The following DLG2 variants were observed in gnomAD, a reference collection of about 807,000 sequenced individuals.
DLG2 encodes disks large homolog 2.
A neutral mutation model predicts 132.5 loss-of-function variants in DLG2; 45 were observed. The ratio of observed to expected loss-of-function variants is 0.34; its 90% CI spans 0.27 to 0.44. The LOEUF is 0.44. DLG2 is among the 20% of genes least tolerant of loss of function. The pLI, the probability that DLG2 is intolerant of heterozygous loss-of-function variation, is 1.00. For synonymous variants in DLG2, 424 were observed against 419.6 expected (o/e 1.01, Z -0.13); for missense variants, 1,045 against 1,196.9 (o/e 0.87, Z 1.87).
intron 6 of DLG2, among the ~76,000 whole-genome samples, chr11:84,963,486 C>T (rs561007395): frequency 3.9e-5 from 6 of 152,124 alleles, no homozygotes; most frequent in Non-Finnish European, 8.8e-5. Flanking sequence ...AACTCTGATA[C>T]CATTATTCAT....
intron 7 of DLG2, among the ~76,000 whole-genome samples, chr11:84,286,960 T>G (rs1246241193): frequency 6.6e-6 from 1 of 152,166 alleles, no homozygotes; most frequent in East Asian, 1.9e-4. Flanking sequence ...CAACGCTTTT[T>G]AAATGTCTGA....
chr11:85,161,933 C>A (rs1381420730), intron 4 of DLG2, among the ~76,000 whole-genome samples: 1 of 152,152 alleles, frequency 6.6e-6, no homozygotes, highest in Non-Finnish European at 1.5e-5. Context: ...GTGGAAGTGG[C>A]ACCATTCACC....
Position 84,186,566 on chromosome 11 carries a change from A to T in DLG2, c.574-23055T>A, listed in dbSNP as rs571826646. ...TTAGATTGAAGTTTGTCAGACCTAG[A>T]TCTTTCAGGCTGGGCAAAATCCTAG... On this transcript the variant is annotated intron_variant, in intron 8 of 27. Transcript: ENST00000376104. Among the ~76,000 whole-genome samples the T allele has an allele frequency of 3.9e-5, 6 of 152,132 alleles. No homozygotes were observed. The East Asian group carries it at 1.2e-3, about 29-fold the overall frequency.
chr11:85,602,855 C>G (rs566339512), intron 2 of DLG2, among the ~76,000 whole-genome samples: 1 of 152,284 alleles, frequency 6.6e-6, no homozygotes, highest in Admixed American at 6.5e-5. Flanking sequence ...ACACTCTTCT[C>G]TCAGGTATCC....
intron 5 of DLG2, among the ~76,000 whole-genome samples, chr11:85,119,224 A>G (rs1353736695): frequency 2.0e-5 from 3 of 152,040 alleles, no homozygotes; most frequent in African/African-American, 7.2e-5. Context: ...ATTTAAGATA[A>G]CTAAATTTGG....
chr11:85,498,575 CA>C (rs2093722312), intron 3 of DLG2, among the ~76,000 whole-genome samples: 1 of 152,126 alleles, frequency 6.6e-6, no homozygotes. Context: ...CTGCACCAAG[CA>C]GACCTAATAG....
intron 18 of DLG2, chr11:83,725,119 G>T (rs1160753275): frequency 1.9e-6 from 1 of 533,138 alleles, no homozygotes; most frequent in African/African-American, 1.9e-5. Flanking sequence ...TATTTTCTCC[G>T]TTTTAAACGC....
intron 6 of DLG2, among the ~76,000 whole-genome samples, chr11:84,987,640 A>G (rs1014820934): frequency 6.6e-6 from 1 of 152,214 alleles, no homozygotes; most frequent in African/African-American, 2.4e-5. Flanking sequence ...CTGATCTTTG[A>G]CAAAGCAAAC....
At chr11:83,710,381 C>T (rs991617794) in intron 18 of DLG2, among the ~76,000 whole-genome samples, 2 of 152,046 alleles carry the variant, frequency 1.3e-5, no homozygotes, top group African/African-American at 4.8e-5. Flanking sequence ...AGGTTGGTCT[C>T]GAACTTCTGA....
intron 6 of DLG2, among the ~76,000 whole-genome samples, chr11:85,028,607 C>T (rs889942404): frequency 1.6e-4 from 24 of 152,150 alleles, no homozygotes; most frequent in Non-Finnish European, 2.4e-4. Flanking sequence ...TCAGCCCTGC[C>T]GTAAGTGCAT....
chr11:83,612,145 T>C (rs1219618919), intron 19 of DLG2, among the ~76,000 whole-genome samples: 2 of 152,194 alleles, frequency 1.3e-5, no homozygotes, highest in Non-Finnish European at 2.9e-5. Flanking sequence ...ATCCATTATC[T>C]GTCCCCACCC....
chr11:84,870,038 A>G (rs1367817278), intron 6 of DLG2, among the ~76,000 whole-genome samples: 1 of 152,230 alleles, frequency 6.6e-6, no homozygotes, highest in Non-Finnish European at 1.5e-5. Context: ...TTTTGAAAAC[A>G]TAAAAGGATA....
intron 6 of DLG2, among the ~76,000 whole-genome samples, chr11:84,838,565 T>A (rs1383867587): frequency 6.6e-6 from 1 of 151,850 alleles, no homozygotes; most frequent in Non-Finnish European, 1.5e-5. Context: ...AAGGTGCACA[T>A]ACCTAGTGTT....
At chr11:85,252,257 A>T (rs1425526133) in intron 4 of DLG2, among the ~76,000 whole-genome samples, 1 of 152,178 alleles carries the variant, frequency 6.6e-6, no homozygotes, top group African/African-American at 2.4e-5. Flanking sequence ...ATAGAAAGGG[A>T]TCTTTTGTGA....
At chr11:84,685,568 T>G (rs2099737401) in intron 6 of DLG2, among the ~76,000 whole-genome samples, 1 of 152,228 alleles carries the variant, frequency 6.6e-6, no homozygotes, top group South Asian at 2.1e-4. Context: ...CCTGTTCTAA[T>G]GAGCTTGAGC....
rs188074396 is a variant in DLG2 at position 84,715,837 on chromosome 11, A to G, written c.358-181106T>C. Among the ~76,000 whole-genome samples, 77 of 152,188 alleles carry G rather than the reference A, an allele frequency of 5.1e-4. 1 individual carries two copies. Among genetic ancestry groups the G allele is most frequent in the African/African-American group, 1.8e-3 (75 of 41,546 alleles). ...CTTAGGTTGTTTCCATATCTTGGCT[A>G]TTATGAATTATTTAAAATAGTGTTG... On this transcript the variant is annotated intron_variant, in intron 6 of 27. Coordinates refer to ENST00000376104, the MANE Select transcript of DLG2 (RefSeq NM_001142699.3).
intron 21 of DLG2, among the ~76,000 whole-genome samples, chr11:83,504,458 T>C (rs999233882): frequency 1.3e-5 from 2 of 152,206 alleles, no homozygotes; most frequent in African/African-American, 4.8e-5. Context: ...AGTAGACTGA[T>C]TTCATCTTGA....
At chr11:84,424,497 C>A (rs1211032389) in intron 7 of DLG2, among the ~76,000 whole-genome samples, 2 of 151,902 alleles carry the variant, frequency 1.3e-5, no homozygotes, top group East Asian at 1.9e-4. Context: ...TTACTCAATT[C>A]TTATAATAGT....
At chr11:84,519,654 C>A (rs1249573991) in intron 7 of DLG2, among the ~76,000 whole-genome samples, 1 of 152,126 alleles carries the variant, frequency 6.6e-6, no homozygotes, top group Non-Finnish European at 1.5e-5. Flanking sequence ...GCAGGCCTCA[C>A]AGACACAATA....
Sources: allele counts gnomAD v4.1 joint callset (sites outside exome capture counted in the v4.1 genomes callset), GRCh38; gene constraint gnomAD v4.1.1; transcripts MANE v1.5; gene names NCBI Gene and HGNC (gene_info 2026-07-23, HGNC 2026-07-21).